Variants in L3MBTL4 observed in about 807,000 individuals in gnomAD.
L3MBTL4 encodes the protein lethal(3)malignant brain tumor-like protein 4.
A neutral mutation model predicts 84.5 loss-of-function variants in L3MBTL4; 70 were observed. That is an observed-to-expected ratio of 0.83 (90% CI 0.68 to 1.01). The LOEUF is 1.01. Among genes scored for constraint, L3MBTL4 ranks in the 50% least tolerant of loss-of-function variants. The pLI, the probability that L3MBTL4 is intolerant of heterozygous loss-of-function variation, is 0.00. For missense variants in L3MBTL4, 715 were observed against 754.8 expected, an observed-to-expected ratio of 0.95 and a Z score of 0.62; for synonymous variants, 274 against 259.8, an observed-to-expected ratio of 1.05 and a Z score of -0.52.
At chr18:5,967,875 T>A (rs886143161) in intron 17 of L3MBTL4, among the ~76,000 whole-genome samples, 3 of 152,204 alleles carry the variant, frequency 2.0e-5, no homozygotes, top group African/African-American at 7.2e-5. Flanking sequence ...AAAAGGGGAC[T>A]TGTGAAGGGC....
intron 17 of L3MBTL4, among the ~76,000 whole-genome samples, chr18:5,961,133 T>A (rs1214197573): frequency 6.6e-6 from 1 of 152,250 alleles, no homozygotes; most frequent in African/African-American, 2.4e-5. Flanking sequence ...CTGCTTCTTG[T>A]GTCAACCGAA....
chr18:6,345,336 G>T (rs1483890897), intron 1 of L3MBTL4, among the ~76,000 whole-genome samples: 1 of 151,624 alleles, frequency 6.6e-6, no homozygotes, highest in Admixed American at 6.6e-5. Context: ...GGCGGAGGTT[G>T]CAGTGAGCCG....
intron 14 of L3MBTL4, among the ~76,000 whole-genome samples, chr18:6,097,472 C>G (rs1471217790): frequency 3.3e-5 from 5 of 152,190 alleles, no homozygotes; most frequent in African/African-American, 1.2e-4. Flanking sequence ...GGCTGGACCC[C>G]TGCATTTTGG....
intron 18 of L3MBTL4, 113 bp from the exon 19 acceptor site, chr18:5,956,500 T>G (rs2095227851): frequency 1.1e-6 from 1 of 879,228 alleles, no homozygotes; most frequent in African/African-American, 1.8e-5. Flanking sequence ...GCCTCCGTGT[T>G]GAGCTCACCA....
chr18:6,233,670 A>T (rs1307878796), intron 10 of L3MBTL4, among the ~76,000 whole-genome samples: 11 of 151,966 alleles, frequency 7.2e-5, no homozygotes, highest in Non-Finnish European at 5.9e-5. Context: ...TAAAAGAGGA[A>T]ACAAACAAAT....
chr18:6,191,132 T>C (rs748788334), intron 12 of L3MBTL4, among the ~76,000 whole-genome samples: 2 of 152,158 alleles, frequency 1.3e-5, no homozygotes, highest in Non-Finnish European at 2.9e-5. Flanking sequence ...TCACATGACA[T>C]GATCTGACTT....
intron 13 of L3MBTL4, among the ~76,000 whole-genome samples, chr18:6,170,522 G>A (rs531619669): frequency 1.3e-3 from 193 of 152,242 alleles, no homozygotes; most frequent in Middle Eastern, 3.4e-3. Context: ...TTTTGGCTTG[G>A]GATGGAGGTT....
chr18:5,981,652 G>C (rs1301122531), intron 16 of L3MBTL4, among the ~76,000 whole-genome samples: 1 of 138,692 alleles, frequency 7.2e-6, no homozygotes, highest in Non-Finnish European at 1.5e-5. Context: ...TCCTTTCTTT[G>C]AGGAAAAAAA....
chr18:6,216,850 T>C (rs1947470), intron 10 of L3MBTL4, among the ~76,000 whole-genome samples: 150,731 of 152,200 alleles, frequency 0.99, 74,647 homozygotes, highest in Middle Eastern at 1. Context: ...TCTAGTTTAC[T>C]ACATAATAGT....
chr18:6,325,034 G>A (rs2147098598), intron 1 of L3MBTL4, among the ~76,000 whole-genome samples: 1 of 152,158 alleles, frequency 6.6e-6, no homozygotes, highest in East Asian at 1.9e-4. Context: ...GAGGAGCAAT[G>A]ACAACTCTCA....
intron 15 of L3MBTL4, among the ~76,000 whole-genome samples, chr18:6,092,794 T>C (rs1598724066): frequency 6.6e-6 from 1 of 152,218 alleles, no homozygotes; most frequent in African/African-American, 2.4e-5. Context: ...AATATAGTTA[T>C]ATATAAACAA....
At chr18:5,981,473 T>C (rs1289167171) in intron 16 of L3MBTL4, among the ~76,000 whole-genome samples, 16 of 152,276 alleles carry the variant, frequency 1.1e-4, no homozygotes, top group Admixed American at 9.2e-4. Context: ...AGATCAAACA[T>C]GCAAAAGGCT....
intron 16 of L3MBTL4, among the ~76,000 whole-genome samples, chr18:6,021,885 ACCT>A (rs1244752955): frequency 1.3e-5 from 2 of 151,332 alleles, no homozygotes; most frequent in Non-Finnish European, 2.9e-5. Context: ...CTTCCCTTCT[ACCT>A]CCTCCTCCTG....
intron 16 of L3MBTL4, among the ~76,000 whole-genome samples, chr18:6,071,783 AAGAAAGAAAGAAAGAAAG>A (rs2057648610): frequency 7.0e-6 from 1 of 143,408 alleles, no homozygotes; most frequent in African/African-American, 2.8e-5. Context: ...GAAAGAAAGA[AAGAAAGAAAGAAAGAAAG>A]AAAAAGAAAG....
At chr18:6,134,758 C>T (rs1340554408) in intron 14 of L3MBTL4, among the ~76,000 whole-genome samples, 1 of 152,150 alleles carries the variant, frequency 6.6e-6, no homozygotes, top group Non-Finnish European at 1.5e-5. Context: ...GTACAGCCTC[C>T]CTCCTGGCTG....
At chr18:6,168,866 G>T (rs1352651847) in intron 13 of L3MBTL4, among the ~76,000 whole-genome samples, 2 of 152,018 alleles carry the variant, frequency 1.3e-5, no homozygotes, top group African/African-American at 4.8e-5. Flanking sequence ...CACAGCAAAA[G>T]AAACCACCAT....
intron 6 of L3MBTL4, among the ~76,000 whole-genome samples, chr18:6,244,028 T>C (rs1056502588): frequency 2.6e-5 from 4 of 152,186 alleles, no homozygotes; most frequent in African/African-American, 4.8e-5. Context: ...TAATAATATA[T>C]TTAGTAAGTA....
chr18:6,011,854 G>A (rs2054754421), intron 16 of L3MBTL4, among the ~76,000 whole-genome samples: 1 of 152,178 alleles, frequency 6.6e-6, no homozygotes, highest in Admixed American at 6.5e-5. Flanking sequence ...AGTGACAGGA[G>A]TTTTGGCTGA....
rs536310920 is a variant in L3MBTL4, at chr18:6,236,440, G to A, written c.784+1524C>T. On this transcript the variant is annotated intron_variant, in intron 10 of 18. Coordinates refer to ENST00000317931, the MANE Select transcript of L3MBTL4 (RefSeq NM_001330559.2). ...GGAACTCTAATTCCAAATGTGCTGC[G>A]CAGAATTTTTCTAGGCTCACACAAC... 9.2e-5 allele frequency among the ~76,000 whole-genome samples: 14 copies of A among 152,288 alleles called. No homozygotes were observed. In the South Asian group the frequency reaches 1.0e-3, roughly 11 times the overall value.
Sources: allele counts gnomAD v4.1 joint callset (sites outside exome capture counted in the v4.1 genomes callset), GRCh38; gene constraint gnomAD v4.1.1; transcripts MANE v1.5; gene names NCBI Gene and HGNC (gene_info 2026-07-23, HGNC 2026-07-21).